BRWD1: variants seen among roughly 807,000 people sequenced by gnomAD.
The protein encoded by BRWD1 is bromodomain and WD repeat domain containing 1, also known as bromodomain and WD repeat-containing protein 1.
Under a neutral mutation model 251.2 loss-of-function variants are expected in BRWD1, and 82 were observed. The ratio of observed to expected loss-of-function variants is 0.33; its 90% confidence interval spans 0.27 to 0.39. BRWD1 has a LOEUF of 0.39. Among genes scored for constraint, BRWD1 ranks in the 10% least tolerant of loss-of-function variants. BRWD1 has a pLI of 1.00. For missense variants in BRWD1, 2,233 were observed against 2,711.6 expected, an observed-to-expected ratio of 0.82 and a Z score of 3.92; for synonymous variants, 918 against 902.8, an observed-to-expected ratio of 1.02 and a Z score of -0.30.
At chr21:39,252,977 A>G (rs949517378) in intron 19 of BRWD1, among the ~76,000 whole-genome samples, 6 of 152,206 alleles carry the variant, frequency 3.9e-5, no homozygotes, top group Admixed American at 6.5e-5. Context: ...GCTATCTTGG[A>G]CTATGCGGTG....
chr21:39,195,313 A>C lies in BRWD1; in HGVS notation c.*946T>G. 1.0e-6 allele frequency: 1 copy of C among 1,000,938 alleles called. No individual in the cohort carries two copies. Among genetic ancestry groups the C allele is most frequent in the Non-Finnish European group, 1.2e-6 (1 of 839,976 alleles). The allele number at this position is 1,000,938 out of a possible 1,614,324, so 62.0% of individuals were successfully genotyped here. On this transcript the variant is annotated 3_prime_UTR_variant, in exon 41 of 41. Transcript: ENST00000342449. ...CTACAATTGGAATACAGATGGGGGA[A>C]ACCTACATATTAACTTAAATACTCT...
intron 4 of BRWD1, among the ~76,000 whole-genome samples, chr21:39,310,495 C>G (rs2036444306): frequency 6.6e-6 from 1 of 152,094 alleles, no homozygotes; most frequent in Admixed American, 6.5e-5. Context: ...AAAAATTAGC[C>G]AGGTGCCTGT....
intron 37 of BRWD1, among the ~76,000 whole-genome samples, chr21:39,204,892 T>A (rs1442992420): frequency 6.6e-6 from 1 of 152,158 alleles, no homozygotes; most frequent in East Asian, 1.9e-4. Context: ...TAATGCTTGT[T>A]TGCCAGCCAA....
rs180806637 is a variant in BRWD1 at position 39,273,072 on chromosome 21, T to C, written c.1244+1302A>G. ...AAGAAAACTTAAAATGAGAAGATATTTTCTCATGAAGAAAATTATAGGAAA... is the reference window on the plus strand; with the variant it reads ...AAGAAAACTTAAAATGAGAAGATATCTTCTCATGAAGAAAATTATAGGAAA... On this transcript the variant is annotated intron_variant, in intron 13 of 40. Transcript: ENST00000342449. 8.6e-4 allele frequency among the ~76,000 whole-genome samples: 131 copies of C among 152,312 alleles called. 1 individual carries two copies. The highest frequency in any genetic ancestry group is 2.5e-3 in the South Asian group (12 of 4,824).
chr21:39,238,589 G>A lies in BRWD1; in HGVS notation c.2482-16C>T. 1 of 1,584,626 alleles carries A rather than the reference G, an allele frequency of 6.3e-7. No individual in the cohort carries two copies. Among genetic ancestry groups the A allele is most frequent in the Non-Finnish European group, 8.7e-7 (1 of 1,155,254 alleles). On this transcript the variant is annotated splice_polypyrimidine_tract_variant and intron_variant, in intron 21 of 40. Transcript: ENST00000342449. ...AGGAAGTCTCCTAATTTGTGAAGGG[G>A]GGAAAAAAATCTTGATCCCTGAAGT...
At chr21:39,184,585 C>CT (rs1413136043), downstream of BRWD1, 2 of 152,174 alleles carry the variant, frequency 1.3e-5, no homozygotes, top group Admixed American at 1.3e-4. Context: ...CAGAGAGAGC[C>CT]TGTTGAGATA....
chr21:39,187,460 A>T lies in BRWD1; in HGVS notation c.*8799T>A, dbSNP rs1568842770. ...GTTCATGTAAATGCAAAAATCTTGT[A>T]ACACAAGATTTTACTACTGCTAACA... is the stretch of plus-strand genomic sequence containing the variant. On this transcript the variant is annotated 3_prime_UTR_variant, in exon 41 of 41. Coordinates refer to ENST00000342449, the MANE Select transcript of BRWD1 (RefSeq NM_033656.4). 1 of 1,514,084 alleles carries T rather than the reference A, an allele frequency of 6.6e-7. No individual in the cohort carries two copies. The highest frequency in any genetic ancestry group is 1.4e-5 in the African/African-American group (1 of 71,446). 93.8% of individuals were successfully genotyped at this position (1,514,084 alleles called of 1,614,324 possible).
At chr21:39,264,051 C>A (rs2146652072) in intron 17 of BRWD1, among the ~76,000 whole-genome samples, 1 of 152,220 alleles carries the variant, frequency 6.6e-6, no homozygotes, top group Non-Finnish European at 1.5e-5. Flanking sequence ...ACAACCTGCT[C>A]CAGATTACAG....
chr21:39,234,788 CA>C (rs1006845152), intron 23 of BRWD1, among the ~76,000 whole-genome samples: 3 of 152,162 alleles, frequency 2.0e-5, no homozygotes, highest in Non-Finnish European at 2.9e-5. Flanking sequence ...TTAACCTCGC[CA>C]AAACAAGCTT....
intron 32 of BRWD1, among the ~76,000 whole-genome samples, chr21:39,213,974 C>G (rs2146502494): frequency 6.6e-6 from 1 of 151,444 alleles, no homozygotes; most frequent in South Asian, 2.1e-4. Context: ...CAAATAGTAT[C>G]TTACTGTACA....
At chr21:39,276,914 T>C (rs1434926886) in intron 11 of BRWD1, among the ~76,000 whole-genome samples, 1 of 152,216 alleles carries the variant, frequency 6.6e-6, no homozygotes, top group Non-Finnish European at 1.5e-5. Context: ...ATTGCTTGTA[T>C]GCTTAAATTA....
intron 19 of BRWD1, among the ~76,000 whole-genome samples, chr21:39,254,549 GT>G (rs2146622498): frequency 1.3e-5 from 2 of 152,310 alleles, no homozygotes; most frequent in South Asian, 4.1e-4. Flanking sequence ...ATTGGTCGCT[GT>G]TGAATAATGA....
At position 39,190,751 on chromosome 21, in the gene BRWD1, G is replaced by A. The variant is rs374805531; in HGVS notation, c.*5508C>T. The A allele has an allele frequency of 1.8e-5, 18 of 985,386 alleles. No individual in the cohort carries two copies. In the East Asian group the frequency reaches 1.2e-3, roughly 68 times the overall value. 61.0% of individuals were successfully genotyped at this position (985,386 alleles called of 1,614,324 possible). A position where few individuals can be genotyped will look rare whatever the true frequency, so the allele number is the denominator to read the frequency against. ...TAAAATGGTTTCTGTAACTTGCTGT[G>A]TTTTTAAACAGTTCCGTTTTCTAGG... On this transcript the variant is annotated 3_prime_UTR_variant, in exon 41 of 41. Transcript: ENST00000342449.
At chr21:39,245,816 T>C (rs922277931) in intron 21 of BRWD1, among the ~76,000 whole-genome samples, 3 of 152,128 alleles carry the variant, frequency 2.0e-5, no homozygotes, top group African/African-American at 7.2e-5. Context: ...GCCAAGCTGG[T>C]CTTGAAGTCC....
chr21:39,284,519 T>C (rs964033771), intron 8 of BRWD1, among the ~76,000 whole-genome samples: 1 of 152,158 alleles, frequency 6.6e-6, no homozygotes. Context: ...CCCATAATAG[T>C]TGTACTAATT....
rs1323875686 is a variant in BRWD1, at chr21:39,189,624, A to T, written c.*6635T>A. ...AATCTCTTAAGTCTTAGACAATAAAACAGGAATTTCAGAGAATAAGGATAA... is the reference window on the plus strand; with the variant it reads ...AATCTCTTAAGTCTTAGACAATAAATCAGGAATTTCAGAGAATAAGGATAA... On this transcript the variant is annotated 3_prime_UTR_variant, in exon 41 of 41. Coordinates refer to ENST00000342449, the MANE Select transcript of BRWD1 (RefSeq NM_033656.4). The T allele has an allele frequency of 2.0e-6, 2 of 981,962 alleles. No individual in the cohort carries two copies. The highest frequency in any genetic ancestry group is 2.4e-6 in the Non-Finnish European group (2 of 826,862). 60.8% of individuals were successfully genotyped at this position (981,962 alleles called of 1,614,324 possible).
Position 39,236,698 on chromosome 21 carries a change from A to G in BRWD1, c.2663T>C (p.Ile888Thr). The change falls in exon 23 of 41, where the codon ATT becomes ACT. Residue 888 changes from isoleucine to threonine, a missense_variant. This residue lies in a region of BRWD1 where 214 missense variants were observed against 222.0 expected (regional missense o/e 0.96). Transcript: ENST00000342449. ...TTCTGAACTACTACAAAATCGAGTAATTCGTCGACGACATGATGTTCTTAA... is the reference window on the plus strand; with the variant it reads ...TTCTGAACTACTACAAAATCGAGTAGTTCGTCGACGACATGATGTTCTTAA... ...PPLRTSCRRR[I>T]TRFCSSSEDE... 1 of 1,614,060 alleles carries G rather than the reference A, an allele frequency of 6.2e-7. No individual in the cohort carries two copies.
intron 4 of BRWD1, among the ~76,000 whole-genome samples, chr21:39,299,741 G>A (rs1031200259): frequency 1.4e-4 from 22 of 151,836 alleles, no homozygotes; most frequent in African/African-American, 3.9e-4. Flanking sequence ...TTGGGAGGCC[G>A]AGGCAGGTGG....
At chr21:39,221,430 T>C (rs1275549354) in intron 29 of BRWD1, among the ~76,000 whole-genome samples, 1 of 152,010 alleles carries the variant, frequency 6.6e-6, no homozygotes, top group African/African-American at 2.4e-5. Flanking sequence ...AAGATGCATA[T>C]GTAACAAATT....
Sources: gnomAD v4.1 joint callset for allele counts (sites outside exome capture counted in the v4.1 genomes callset) on GRCh38, gnomAD v4.1.1 for gene constraint, gnomAD v4.1.1 regional missense constraint, MANE v1.5 for transcripts, NCBI Gene and HGNC (gene_info 2026-07-23, HGNC 2026-07-21) for gene names.